The following FAM193A variants were observed in gnomAD, a reference collection of about 807,000 sequenced individuals.
FAM193A encodes the protein protein FAM193A.
Under a neutral mutation model 126.5 loss-of-function variants are expected in FAM193A, and 22 were observed. The observed-to-expected ratio is 0.17, with a 90% CI of 0.12 to 0.25. The LOEUF (loss-of-function observed/expected upper bound fraction) is 0.25. Among genes scored for constraint, FAM193A ranks in the 10% least tolerant of loss-of-function variants. The pLI is 1.00. For missense variants in FAM193A, 1,675 were observed against 1,672.8 expected (o/e 1.00, Z -0.02); for synonymous variants, 761 against 646.8 (o/e 1.18, Z -2.68).
At chr4:2,719,227 T>C (rs1719853371) in intron 20 of FAM193A, among the ~76,000 whole-genome samples, 1 of 152,142 alleles carries the variant, frequency 6.6e-6, no homozygotes, top group Non-Finnish European at 1.5e-5. Context: ...GGAGAATTGC[T>C]TGAACCCAGG....
chr4:2,708,038 C>A (rs922636012), intron 19 of FAM193A: 5 of 356,834 alleles, frequency 1.4e-5, no homozygotes, highest in African/African-American at 1.1e-4. Flanking sequence ...GCGTGAGCCA[C>A]TGTGCCCAGC....
At chr4:2,679,997 A>C (rs1351209594) in intron 13 of FAM193A, among the ~76,000 whole-genome samples, 1 of 152,108 alleles carries the variant, frequency 6.6e-6, no homozygotes, top group East Asian at 1.9e-4. Flanking sequence ...AGTAACTGGA[A>C]CTACAGGCAC....
chr4:2,629,444 T>A (rs1743330564), intron 4 of FAM193A, among the ~76,000 whole-genome samples: 1 of 151,782 alleles, frequency 6.6e-6, no homozygotes, highest in Admixed American at 6.6e-5. Context: ...CTAACCATAA[T>A]AGGAATCCCA....
At chr4:2,675,039 TTG>T (rs1271726589) in intron 13 of FAM193A, among the ~76,000 whole-genome samples, 1 of 152,200 alleles carries the variant, frequency 6.6e-6, no homozygotes, top group Non-Finnish European at 1.5e-5. Context: ...TTCCAAATAT[TTG>T]GGGATCTCCC....
intron 13 of FAM193A, among the ~76,000 whole-genome samples, chr4:2,687,945 T>C (rs1345297852): frequency 6.6e-6 from 1 of 152,214 alleles, no homozygotes; most frequent in African/African-American, 2.4e-5. Flanking sequence ...GTCCTCCCTC[T>C]GCCCCAGCCA....
At chr4:2,581,350 TC>T in intron 1 of FAM193A, among the ~76,000 whole-genome samples, 1 of 150,294 alleles carries the variant, frequency 6.7e-6, no homozygotes, top group South Asian at 2.1e-4. Context: ...GCCTCCCAGG[TC>T]CAAGTAATTC....
At chr4:2,611,187 A>G (rs1056599325) in intron 2 of FAM193A, among the ~76,000 whole-genome samples, 1 of 152,124 alleles carries the variant, frequency 6.6e-6, no homozygotes, top group Non-Finnish European at 1.5e-5. Flanking sequence ...AGTGCTGGAT[A>G]TTGGCAGTCT....
intron 1 of FAM193A, among the ~76,000 whole-genome samples, chr4:2,557,731 T>G (rs532720552): frequency 2.8e-4 from 42 of 152,094 alleles, no homozygotes; most frequent in African/African-American, 9.9e-4. Context: ...GATGGACGGA[T>G]CATGAGGTCA....
rs1436012837 is a variant in FAM193A, at chr4:2,732,462, G to A, written c.*594G>A. 6.5e-6 allele frequency: 1 copy of A among 154,068 alleles called. No individual in the cohort carries two copies. The highest frequency in any genetic ancestry group is 1.9e-4 in the East Asian group (1 of 5,216). 9.5% of individuals were successfully genotyped at this position (154,068 alleles called of 1,614,324 possible). A position where few individuals can be genotyped will look rare whatever the true frequency, so the allele number is the denominator to read the frequency against. ...CACACCATCAAGTCTGTTATAGAGT[G>A]TACGACTGTATTAACACGGAGGCCT... On this transcript the variant is annotated 3_prime_UTR_variant, in exon 21 of 21. Transcript: ENST00000637812.
At chr4:2,699,449 C>T (rs199735139) in intron 18 of FAM193A, among the ~76,000 whole-genome samples, 2 of 77,786 alleles carry the variant, frequency 2.6e-5, no homozygotes, top group African/African-American at 9.7e-5. Context: ...CCCCCCCCCA[C>T]ACACACACAC....
At chr4:2,691,017 G>T in intron 15 of FAM193A, 47 bp downstream of exon 15, 1 of 1,545,790 alleles carries the variant, frequency 6.5e-7, no homozygotes, top group South Asian at 1.2e-5. Flanking sequence ...AGGAAGGCTG[G>T]GCTTACTGAC....
intron 12 of FAM193A, among the ~76,000 whole-genome samples, chr4:2,668,554 C>T (rs1156773209): frequency 6.6e-6 from 1 of 152,166 alleles, no homozygotes; most frequent in Non-Finnish European, 1.5e-5. Context: ...CAGATTACTA[C>T]TGACTTAATT....
chr4:2,703,254 G>A (rs1717936954), intron 19 of FAM193A, among the ~76,000 whole-genome samples: 1 of 151,822 alleles, frequency 6.6e-6, no homozygotes, highest in Non-Finnish European at 1.5e-5. Flanking sequence ...TTTTGTTTTT[G>A]TTTCTGTTTT....
intron 1 of FAM193A, among the ~76,000 whole-genome samples, chr4:2,539,947 G>T (rs773058727): frequency 6.6e-6 from 1 of 151,550 alleles, no homozygotes; most frequent in Non-Finnish European, 1.5e-5. Flanking sequence ...GTGAAACCCC[G>T]TCTCTACTAA....
At chr4:2,643,412 T>C (rs1012134970) in intron 6 of FAM193A, among the ~76,000 whole-genome samples, 2 of 152,226 alleles carry the variant, frequency 1.3e-5, no homozygotes, top group African/African-American at 4.8e-5. Context: ...TTAAAAATTA[T>C]GGTAAAGTAT....
chr4:2,625,436 A>G lies in FAM193A; in HGVS notation c.635+41A>G, dbSNP rs114042485. 4.2e-3 allele frequency: 2,813 copies of G among 676,756 alleles called. 57 individuals carry two copies. In the African/African-American group the frequency reaches 0.044, roughly 11 times the overall value. The allele number at this position is 676,756 out of a possible 1,614,324, so 41.9% of individuals were successfully genotyped here. On this transcript the variant is annotated intron_variant, in intron 3 of 20. Transcript: ENST00000637812. ...GCCACGTTGCTCACACCTGTCCACA[A>G]TGACATGCAGACCTGCATATTGGAG...
intron 2 of FAM193A, among the ~76,000 whole-genome samples, chr4:2,616,994 C>A (rs1255191106): frequency 6.2e-5 from 9 of 145,922 alleles, no homozygotes; most frequent in Admixed American, 4.7e-4. Flanking sequence ...CACGAAGAAA[C>A]CCCGTCTCTA....
chr4:2,628,539 A>T (rs1743203565), intron 4 of FAM193A, among the ~76,000 whole-genome samples: 1 of 152,166 alleles, frequency 6.6e-6, no homozygotes, highest in Non-Finnish European at 1.5e-5. Context: ...TGGGAGGCTG[A>T]GGCAGGAGGA....
chr4:2,558,973 C>T (rs1738437226), intron 1 of FAM193A, among the ~76,000 whole-genome samples: 1 of 152,200 alleles, frequency 6.6e-6, no homozygotes, highest in South Asian at 2.1e-4. Flanking sequence ...GCACTCCAGC[C>T]TGGGTGACAC....
Sources: allele counts gnomAD v4.1 joint callset (sites outside exome capture counted in the v4.1 genomes callset), GRCh38; gene constraint gnomAD v4.1.1; transcripts MANE v1.5; gene names NCBI Gene and HGNC (gene_info 2026-07-23, HGNC 2026-07-21).